Variants in LEPROTL1 observed in about 807,000 individuals in gnomAD.
The protein encoded by LEPROTL1 is leptin receptor overlapping transcript-like 1.
LEPROTL1 carries 6 observed loss-of-function variants against 15.4 expected under a neutral mutation model. The observed-to-expected ratio is 0.39, with a 90% CI of 0.21 to 0.77. The LOEUF is 0.77. LEPROTL1 is among the 30% of genes least tolerant of loss of function. The pLI is 0.41. For missense variants in LEPROTL1, 128 were observed against 158.1 expected (o/e 0.81, Z 1.02); for synonymous variants, 56 against 52.6 (o/e 1.06, Z -0.28).
At chr8:30,122,460 A>G (rs190345900) in intron 3 of LEPROTL1, among the ~76,000 whole-genome samples, 1 of 152,204 alleles carries the variant, frequency 6.6e-6, no homozygotes, top group East Asian at 1.9e-4. Context: ...ATTTTCATAT[A>G]AACTTTAGAG....
intron 3 of LEPROTL1, chr8:30,117,351 A>G: frequency 1.0e-6 from 1 of 957,892 alleles, no homozygotes; most frequent in Non-Finnish European, 1.6e-6. Flanking sequence ...TCTGTGAGGC[A>G]TTTTGTTTGT....
chr8:30,135,172 G>A (rs1176254135), intron 4 of LEPROTL1, among the ~76,000 whole-genome samples: 3 of 151,808 alleles, frequency 2.0e-5, no homozygotes, highest in Non-Finnish European at 2.9e-5. Flanking sequence ...GATTATAGGC[G>A]TGAGCCACTG....
Position 30,105,875 on chromosome 8 carries a change from G to T in LEPROTL1, c.*13G>T. 6.6e-7 allele frequency: 1 copy of T among 1,509,934 alleles called. No homozygotes were observed. The highest frequency in any genetic ancestry group is 1.3e-5 in the South Asian group (1 of 77,996). 93.5% of individuals were successfully genotyped at this position (1,509,934 alleles called of 1,614,324 possible). A position where few individuals can be genotyped will look rare whatever the true frequency, so the allele number is the denominator to read the frequency against. Reference sequence around the variant, plus strand: ...GCAGCAGTGGTGAAAAGAAATTACTGAACTATTGTCAAATGGACTTCCTGT... The same window carrying T: ...GCAGCAGTGGTGAAAAGAAATTACTTAACTATTGTCAAATGGACTTCCTGT... On this transcript the variant is annotated 3_prime_UTR_variant, in exon 4 of 4. Coordinates refer to ENST00000321250, the MANE Select transcript of LEPROTL1 (RefSeq NM_015344.3).
At chr8:30,125,214 CTGT>C (rs1207576850) in intron 3 of LEPROTL1, among the ~76,000 whole-genome samples, 1 of 152,168 alleles carries the variant, frequency 6.6e-6, no homozygotes, top group Admixed American at 6.5e-5. Flanking sequence ...GCATCTCTAG[CTGT>C]TGTTATGATT....
At chr8:30,125,482 T>C (rs1031179727) in intron 3 of LEPROTL1, among the ~76,000 whole-genome samples, 1 of 152,222 alleles carries the variant, frequency 6.6e-6, no homozygotes, top group African/African-American at 2.4e-5. Context: ...TAAAGAACCT[T>C]GAGCACTCAG....
chr8:30,135,913 GAAA>G (rs36032566), intron 4 of LEPROTL1, among the ~76,000 whole-genome samples: 2 of 128,892 alleles, frequency 1.6e-5, no homozygotes, highest in African/African-American at 3.0e-5. Context: ...GACCTTGTCT[GAAA>G]AAAAAAAAAA....
At position 30,137,286 on chromosome 8, in the gene LEPROTL1, C is replaced by A. The variant is rs1291096991; in HGVS notation, c.409C>A (p.Leu137Ile). ...CTGTTTTCTAGATGGGGCGCCTACC[C>A]TTCTTCAGCAAGATGGGAACAGCTG... is the stretch of plus-strand genomic sequence containing the variant. Residue 137 changes from leucine to isoleucine, a missense_variant, in exon 5 of 5, where the codon CTT (leucine) becomes ATT (isoleucine). Physicochemically the swap from Leu to Ile is conservative, Grantham distance 5. Transcript: ENST00000442880. 24 of 1,551,522 alleles carry A rather than the reference C, an allele frequency of 1.5e-5. No individual in the cohort carries two copies. The South Asian group carries it at 2.7e-4, about 18-fold the overall frequency.
intron 3 of LEPROTL1, among the ~76,000 whole-genome samples, chr8:30,131,296 A>ATATATATATGTGTGTGTGTG (rs367717206): frequency 1.6e-5 from 2 of 123,896 alleles, no homozygotes; most frequent in African/African-American, 5.5e-5. Context: ...ATATATATAT[A>ATATATATATGTGTGTGTGTG]TGTGTGTGTG....
At chr8:30,115,340 G>C (rs937489076) in intron 3 of LEPROTL1, among the ~76,000 whole-genome samples, 3 of 116,206 alleles carry the variant, frequency 2.6e-5, no homozygotes, top group Non-Finnish European at 5.7e-5. Flanking sequence ...CTGGGCAGCA[G>C]AGCCAGACCC....
downstream of LEPROTL1, among the ~76,000 whole-genome samples, chr8:30,112,425 T>TTTTTTTTTTTTTTTTTTTTC (rs1283196967): frequency 7.4e-6 from 1 of 134,372 alleles, no homozygotes. Context: ...TTTTTTTTTT[T>TTTTTTTTTTTTTTTTTTTTC]TTTTTTGGAT....
intron 3 of LEPROTL1, among the ~76,000 whole-genome samples, chr8:30,115,539 ATTTTTTTTT>A (rs71206228): frequency 1.3e-5 from 1 of 74,356 alleles, no homozygotes; most frequent in East Asian, 4.3e-4. Context: ...TGCCTGGCTA[ATTTTTTTTT>A]TTTTTTTTTT....
intron 3 of LEPROTL1, chr8:30,131,766 A>C (rs1329430625): frequency 1.5e-6 from 1 of 673,734 alleles, no homozygotes; most frequent in East Asian, 3.0e-5. Flanking sequence ...CAGTACCAGC[A>C]GAATAGCTTG....
chr8:30,123,270 G>A (rs929861336), intron 3 of LEPROTL1, among the ~76,000 whole-genome samples: 8 of 152,136 alleles, frequency 5.3e-5, no homozygotes, highest in African/African-American at 1.9e-4. Context: ...ATACTCTAGT[G>A]GTCAACCCAG....
Position 30,116,670 on chromosome 8 carries a change from C to T in LEPROTL1, c.279+12184C>T, listed in dbSNP as rs528716928. Among the ~76,000 whole-genome samples, 34 of 152,280 alleles carry T rather than the reference C, an allele frequency of 2.2e-4. No individual in the cohort carries two copies. In the South Asian group the frequency reaches 5.0e-3, roughly 22 times the overall value. ...TCGGGGGTTGGGGACCCCTGTCTTA[C>T]GTGATAAATGTCCTTCTGTTCCTGA... On this transcript the variant is annotated intron_variant, in intron 3 of 4. Transcript: ENST00000442880.
intron 3 of LEPROTL1, among the ~76,000 whole-genome samples, chr8:30,131,312 A>G (rs971714399): frequency 2.7e-5 from 4 of 146,414 alleles, no homozygotes; most frequent in African/African-American, 5.0e-5. Flanking sequence ...GTGTGTATAT[A>G]TATATATATA....
intron 3 of LEPROTL1, among the ~76,000 whole-genome samples, chr8:30,122,140 CT>C (rs1191870488): frequency 2.0e-5 from 3 of 151,372 alleles, no homozygotes; most frequent in Non-Finnish European, 4.4e-5. Flanking sequence ...GCACTCCAGC[CT>C]GGGCAACAGA....
At chr8:30,111,707 A>G (rs1348933989), downstream of LEPROTL1, among the ~76,000 whole-genome samples, 3 of 152,172 alleles carry the variant, frequency 2.0e-5, no homozygotes, top group Non-Finnish European at 4.4e-5. Context: ...GCCAAGAGAG[A>G]AGTGTGGAGT....
In LEPROTL1 at chr8:30,107,389, A is replaced by G. The variant is rs1802585344; in HGVS notation, c.*1527A>G. 9 of 985,468 alleles carry G rather than the reference A, an allele frequency of 9.1e-6. No individual in the cohort carries two copies. The highest frequency in any genetic ancestry group is 1.1e-5 in the Non-Finnish European group (9 of 829,652). 61.0% of individuals were successfully genotyped at this position (985,468 alleles called of 1,614,324 possible). A position where few individuals can be genotyped will look rare whatever the true frequency, so the allele number is the denominator to read the frequency against. On this transcript the variant is annotated 3_prime_UTR_variant, in exon 4 of 4. Transcript: ENST00000321250. ...GTTAAGGATATTTGTTTGTATGTTT[A>G]TTCAGTATACTTACATAAAAATTAT...
intron 3 of LEPROTL1, among the ~76,000 whole-genome samples, chr8:30,126,523 G>A (rs1432857112): frequency 6.6e-6 from 1 of 152,188 alleles, no homozygotes; most frequent in Non-Finnish European, 1.5e-5. Context: ...ATGTGTATCA[G>A]TGAAGCCTTC....
Sources: allele counts gnomAD v4.1 joint callset (sites outside exome capture counted in the v4.1 genomes callset), GRCh38; gene constraint gnomAD v4.1.1; transcripts MANE v1.5; gene names NCBI Gene and HGNC (gene_info 2026-07-23, HGNC 2026-07-21).